TUSC3: variants seen among roughly 807,000 people sequenced by gnomAD.
TUSC3 encodes the protein dolichyl-diphosphooligosaccharide--protein glycosyltransferase subunit TUSC3.
A neutral mutation model predicts 44.8 loss-of-function variants in TUSC3; 45 were observed. The observed-to-expected ratio is 1.00, with a 90% CI of 0.79 to 1.29. TUSC3 has a LOEUF of 1.29. Ranked by LOEUF, TUSC3 falls within the 50% of genes most tolerant of loss-of-function variation. The pLI, the probability that TUSC3 is intolerant of heterozygous loss-of-function variation, is 0.00. For synonymous variants in TUSC3, 212 were observed against 152.9 expected, an observed-to-expected ratio of 1.39 and a Z score of -2.85; for missense variants, 519 against 437.9, an observed-to-expected ratio of 1.19 and a Z score of -1.65.
rs142465330 is a variant in TUSC3, at chr8:15,474,471, C to G, written n.92-8915C>G. On this transcript the variant is annotated intron_variant and non_coding_transcript_variant, in intron 1 of 5. Transcript: ENST00000503191. Reference sequence around the variant, plus strand: ...CAATTTATGTTCCTCTGCTGCAGCTCCAGTTGGTCCCTCCGTTCAGAGTCC... The same window carrying G: ...CAATTTATGTTCCTCTGCTGCAGCTGCAGTTGGTCCCTCCGTTCAGAGTCC... Among the ~76,000 whole-genome samples, 8 of 152,226 alleles carry G rather than the reference C, an allele frequency of 5.3e-5. No individual in the cohort carries two copies. The East Asian group carries it at 1.2e-3, about 22-fold the overall frequency.
At chr8:15,426,098 A>G (rs1024139147) in intron 1 of TUSC3, among the ~76,000 whole-genome samples, 4 of 152,242 alleles carry the variant, frequency 2.6e-5, no homozygotes, top group Non-Finnish European at 5.9e-5. Context: ...ATTTAGGTGT[A>G]ATTGACAGAG....
intron 2 of TUSC3, among the ~76,000 whole-genome samples, chr8:15,493,623 A>G (rs936066615): frequency 5.3e-5 from 8 of 152,164 alleles, no homozygotes; most frequent in Non-Finnish European, 1.0e-4. Context: ...TACTGGAACT[A>G]TACTAGGGAG....
intron 6 of TUSC3, among the ~76,000 whole-genome samples, chr8:15,678,334 C>G (rs955081661): frequency 6.6e-6 from 1 of 151,624 alleles, no homozygotes; most frequent in African/African-American, 2.4e-5. Flanking sequence ...GCATTAAGGG[C>G]AAAGAAATAT....
chr8:15,677,325 G>A (rs1808234816), intron 6 of TUSC3, among the ~76,000 whole-genome samples: 1 of 152,112 alleles, frequency 6.6e-6, no homozygotes. Context: ...TTTACTATGC[G>A]TTAGTAAATA....
intron 1 of TUSC3, among the ~76,000 whole-genome samples, chr8:15,435,481 A>G (rs1327293359): frequency 8.5e-5 from 13 of 152,222 alleles, no homozygotes. Context: ...TTTCAATAAC[A>G]TTGATGATGC....
chr8:15,545,480 GTCT>G (rs1302162459), intron 1 of TUSC3, among the ~76,000 whole-genome samples: 3 of 151,732 alleles, frequency 2.0e-5, no homozygotes, highest in African/African-American at 7.2e-5. Flanking sequence ...GGGGGACTCT[GTCT>G]TCTTTGACTA....
chr8:15,740,732 C>A (rs781649469), intron 7 of TUSC3, among the ~76,000 whole-genome samples: 3 of 152,016 alleles, frequency 2.0e-5, no homozygotes, highest in Non-Finnish European at 2.9e-5. Context: ...TTGTACGTAG[C>A]GAATTTGAAA....
intron 2 of TUSC3, among the ~76,000 whole-genome samples, chr8:15,529,956 T>G: frequency 6.6e-5 from 1 of 15,144 alleles, no homozygotes; most frequent in Admixed American, 9.5e-4. Context: ...CGGCTAATTT[T>G]TTGTATTTTT....
intron 2 of TUSC3, among the ~76,000 whole-genome samples, chr8:15,518,634 CT>C (rs1393886223): frequency 1.3e-5 from 2 of 152,044 alleles, no homozygotes; most frequent in African/African-American, 2.4e-5. Context: ...ATTAAATGAA[CT>C]GCATATTTGC....
At chr8:15,848,186 G>C in the TUSC3 span, among the ~76,000 whole-genome samples, 1 of 152,036 alleles carries the variant, frequency 6.6e-6, no homozygotes, top group Admixed American at 6.6e-5. Flanking sequence ...CAACTTACCT[G>C]GCACCTCAGC....
chr8:15,706,102 CAG>C (rs1489144913), intron 6 of TUSC3, among the ~76,000 whole-genome samples: 3 of 151,954 alleles, frequency 2.0e-5, no homozygotes, highest in South Asian at 2.1e-4. Flanking sequence ...AATCTAGAGA[CAG>C]GGGTGTTAAC....
At position 15,558,553 on chromosome 8, in the gene TUSC3, A is replaced by G. The variant is rs201099609; in HGVS notation, c.138+17985A>G. Among the ~76,000 whole-genome samples, 26 of 65,032 alleles carry G rather than the reference A, an allele frequency of 4.0e-4. 1 individual carries two copies. Among genetic ancestry groups the G allele is most frequent in the South Asian group, 1.6e-3 (4 of 2,526 alleles). The allele number at this position is 65,032 out of a possible 152,430, so 42.7% of individuals were successfully genotyped here. A position where few individuals can be genotyped will look rare whatever the true frequency, so the allele number is the denominator to read the frequency against. ...GTTAGGGAGGATTCCCTCTTTTTCT[A>G]TTGATTGGAATAGTTTCAGAAGGAA... On this transcript the variant is annotated intron_variant, in intron 1 of 10. Coordinates refer to ENST00000503731, the MANE Select transcript of TUSC3 (RefSeq NM_006765.4).
intron 7 of TUSC3, chr8:15,733,697 A>G (rs557006020): frequency 3.2e-5 from 5 of 155,452 alleles, no homozygotes; most frequent in African/African-American, 1.2e-4. Context: ...TTTATTTTAG[A>G]CATATCTATT....
intron 2 of TUSC3, among the ~76,000 whole-genome samples, chr8:15,485,602 T>C (rs1410260017): frequency 6.6e-6 from 1 of 151,810 alleles, no homozygotes; most frequent in Non-Finnish European, 1.5e-5. Context: ...CATGGGTACT[T>C]TCCCAAGGAG....
chr8:15,727,465 G>A (rs1810543356), intron 6 of TUSC3, among the ~76,000 whole-genome samples: 1 of 152,038 alleles, frequency 6.6e-6, no homozygotes, highest in African/African-American at 2.4e-5. Flanking sequence ...GATTTCTGTT[G>A]CCTGAATTGG....
intron 1 of TUSC3, among the ~76,000 whole-genome samples, chr8:15,467,368 T>C (rs1327767344): frequency 6.6e-6 from 1 of 151,488 alleles, no homozygotes; most frequent in Non-Finnish European, 1.5e-5. Context: ...AGTCAAAAAC[T>C]ATATCTGAAA....
At chr8:15,652,616 A>G (rs1221341332) in intron 3 of TUSC3, among the ~76,000 whole-genome samples, 1 of 152,196 alleles carries the variant, frequency 6.6e-6, no homozygotes, top group African/African-American at 2.4e-5. Flanking sequence ...TAAATATGTA[A>G]TTTCAAATAA....
chr8:15,588,553 A>T (rs915853739), intron 1 of TUSC3, among the ~76,000 whole-genome samples: 5 of 152,002 alleles, frequency 3.3e-5, no homozygotes, highest in African/African-American at 9.7e-5. Context: ...GAAGCTTTTT[A>T]GTTTTATGTA....
At chr8:15,647,177 G>A (rs964149750) in intron 2 of TUSC3, among the ~76,000 whole-genome samples, 5 of 152,066 alleles carry the variant, frequency 3.3e-5, no homozygotes, top group African/African-American at 1.2e-4. Flanking sequence ...AAAGTTAAAA[G>A]GGAATAAACA....
Sources: allele counts gnomAD v4.1 joint callset (sites outside exome capture counted in the v4.1 genomes callset), GRCh38; gene constraint gnomAD v4.1.1; transcripts MANE v1.5; gene names NCBI Gene and HGNC (gene_info 2026-07-23, HGNC 2026-07-21).